Variants in DLG2 observed in about 807,000 individuals in gnomAD.
DLG2 encodes disks large homolog 2.
DLG2 carries 45 observed loss-of-function variants against 132.5 expected under a neutral mutation model. The observed-to-expected ratio is 0.34, with a 90% CI of 0.27 to 0.44. The LOEUF (loss-of-function observed/expected upper bound fraction) is 0.44, where lower values mean the gene tolerates loss of function less well. Among genes scored for constraint, DLG2 ranks in the 20% least tolerant of loss-of-function variants. The pLI, the probability that DLG2 is intolerant of heterozygous loss-of-function variation, is 1.00. For synonymous variants in DLG2, 424 were observed against 419.6 expected (o/e 1.01, Z -0.13); for missense variants, 1,045 against 1,196.9 (o/e 0.87, Z 1.87).
At chr11:83,855,387 C>A (rs1190614960) in intron 16 of DLG2, among the ~76,000 whole-genome samples, 1 of 152,174 alleles carries the variant, frequency 6.6e-6, no homozygotes, top group Admixed American at 6.5e-5. Flanking sequence ...GTTCTAGCAG[C>A]TTTATTAATA....
intron 7 of DLG2, among the ~76,000 whole-genome samples, chr11:84,360,145 G>C (rs2098641202): frequency 6.6e-6 from 1 of 151,710 alleles, no homozygotes; most frequent in Non-Finnish European, 1.5e-5. Flanking sequence ...TGCCTCTGAA[G>C]GGACAAATAC....
intron 26 of DLG2, 75 bp from the exon 27 acceptor site, chr11:83,462,168 A>C: frequency 4.1e-6 from 4 of 968,264 alleles, no homozygotes; most frequent in Non-Finnish European, 6.6e-6. Context: ...GTATGGCAAA[A>C]ATAAATCCTA....
At chr11:83,874,279 A>AAG (rs1208895995) in intron 16 of DLG2, 141 bp downstream of exon 16, 9 of 95,516 alleles carry the variant, frequency 9.4e-5, no homozygotes, top group Non-Finnish European at 1.2e-4. Context: ...AAGGAAGGGG[A>AAG]GAAGGAAGGA....
chr11:84,552,907 C>T (rs1302027886), intron 6 of DLG2, among the ~76,000 whole-genome samples: 1 of 152,186 alleles, frequency 6.6e-6, no homozygotes, highest in Non-Finnish European at 1.5e-5. Flanking sequence ...AACGCACGCA[C>T]TTTGATGTGA....
At chr11:85,299,477 G>A (rs868699619) in intron 3 of DLG2, among the ~76,000 whole-genome samples, 1 of 152,096 alleles carries the variant, frequency 6.6e-6, no homozygotes, top group Non-Finnish European at 1.5e-5. Context: ...CTTTCTCCCT[G>A]AAGCCTCCTT....
intron 9 of DLG2, among the ~76,000 whole-genome samples, chr11:84,100,836 T>A (rs533281455): frequency 2.6e-5 from 4 of 152,240 alleles, no homozygotes; most frequent in Admixed American, 1.3e-4. Context: ...GTCAAGGTAA[T>A]GTTTAGCAAT....
At chr11:84,172,834 G>T (rs1449973113) in intron 8 of DLG2, among the ~76,000 whole-genome samples, 1 of 152,108 alleles carries the variant, frequency 6.6e-6, no homozygotes, top group Non-Finnish European at 1.5e-5. Context: ...GAGCCACTGT[G>T]CAAGGCCCTT....
At chr11:84,389,847 ACTTCAGATTAT>A (rs778597579) in intron 7 of DLG2, among the ~76,000 whole-genome samples, 38 of 152,136 alleles carry the variant, frequency 2.5e-4, no homozygotes, top group Non-Finnish European at 4.9e-4. Context: ...ATTTTTAAAC[ACTTCAGATTAT>A]CTATGGGCTT....
chr11:84,607,705 T>C (rs1187531603), intron 6 of DLG2, among the ~76,000 whole-genome samples: 1 of 152,010 alleles, frequency 6.6e-6, no homozygotes, highest in African/African-American at 2.4e-5. Context: ...TCCTCCTATC[T>C]CTGACTTTAA....
At chr11:84,920,465 T>G (rs756419095) in intron 6 of DLG2, among the ~76,000 whole-genome samples, 1 of 152,182 alleles carries the variant, frequency 6.6e-6, no homozygotes, top group Non-Finnish European at 1.5e-5. Flanking sequence ...TTTTGTTTGC[T>G]TGTTTCTTTC....
At chr11:85,271,216 G>A (rs1018563719) in intron 4 of DLG2, among the ~76,000 whole-genome samples, 8 of 152,222 alleles carry the variant, frequency 5.3e-5, no homozygotes, top group Non-Finnish European at 1.2e-4. Context: ...TGGCTTCAGA[G>A]AGTGGAAGCC....
At chr11:84,712,506 T>G (rs189294936) in intron 6 of DLG2, among the ~76,000 whole-genome samples, 9 of 152,158 alleles carry the variant, frequency 5.9e-5, no homozygotes, top group African/African-American at 1.9e-4. Flanking sequence ...TCTAGATTCT[T>G]CTTTTTGTAG....
chr11:85,453,265 T>C, intron 3 of DLG2: 1 of 331,370 alleles, frequency 3.0e-6, no homozygotes, highest in South Asian at 6.0e-5. Flanking sequence ...GTCAATAATC[T>C]TCTGGAAATC....
At chr11:84,791,127 C>T (rs948567697) in intron 6 of DLG2, among the ~76,000 whole-genome samples, 5 of 152,120 alleles carry the variant, frequency 3.3e-5, no homozygotes, top group African/African-American at 1.2e-4. Flanking sequence ...CTGTCAAACA[C>T]TTACAAAACC....
At chr11:83,836,564 T>G (rs1336112371) in intron 16 of DLG2, among the ~76,000 whole-genome samples, 1 of 152,192 alleles carries the variant, frequency 6.6e-6, no homozygotes, top group Non-Finnish European at 1.5e-5. Flanking sequence ...TTTATGTGAT[T>G]AGGCCAGGCC....
In DLG2 at chr11:84,943,091, C is replaced by A. The variant is rs552980409; in HGVS notation, c.357+168570G>T. Reference sequence around the variant, plus strand: ...ATTAAATATCTTTCTCCATCTTTTTCTTTCAATCCATGTGTGTTTTATAGG... The same window carrying A: ...ATTAAATATCTTTCTCCATCTTTTTATTTCAATCCATGTGTGTTTTATAGG... On this transcript the variant is annotated intron_variant, in intron 6 of 27. Transcript: ENST00000376104. Among the ~76,000 whole-genome samples the A allele has an allele frequency of 5.9e-5, 9 of 151,316 alleles. 2 individuals are homozygous for A. In the South Asian group the frequency reaches 1.9e-3, roughly 32 times the overall value.
chr11:84,502,317 T>TCTTTC, intron 7 of DLG2, among the ~76,000 whole-genome samples: 2 of 8,270 alleles, frequency 2.4e-4, no homozygotes, highest in Non-Finnish European at 4.5e-4. Context: ...TTTCTTTCTT[T>TCTTTC]CTTTCTTTCT....
chr11:85,364,271 G>T (rs1410720054), intron 3 of DLG2, among the ~76,000 whole-genome samples: 1 of 152,082 alleles, frequency 6.6e-6, no homozygotes, highest in Admixed American at 6.6e-5. Context: ...TACTATTATG[G>T]TGCAAGCCAG....
At chr11:84,018,086 T>TTGATTAAC (rs2095271271) in intron 11 of DLG2, among the ~76,000 whole-genome samples, 1 of 152,024 alleles carries the variant, frequency 6.6e-6, no homozygotes, top group African/African-American at 2.4e-5. Context: ...TGTTAACGTT[T>TTGATTAAC]TTGATTAAAC....
Sources: gnomAD v4.1 joint callset for allele counts (sites outside exome capture counted in the v4.1 genomes callset) on GRCh38, gnomAD v4.1.1 for gene constraint, MANE v1.5 for transcripts, NCBI Gene and HGNC (gene_info 2026-07-23, HGNC 2026-07-21) for gene names.